The following RERE variants were observed in gnomAD, a reference collection of about 807,000 sequenced individuals.
RERE encodes arginine-glutamic acid dipeptide repeats protein.
In RERE, 40 loss-of-function variants were observed where a neutral mutation model predicts 146.1. The ratio of observed to expected loss-of-function variants is 0.27; its 90% CI spans 0.21 to 0.36. The LOEUF (loss-of-function observed/expected upper bound fraction) is 0.36. Ranked by LOEUF, RERE falls within the 10% of genes least tolerant of loss-of-function variation. The probability of loss-of-function intolerance (pLI) is 1.00; values close to 1 mark genes in which losing one functional copy is unlikely to be tolerated. For synonymous variants in RERE, 1,003 were observed against 866.0 expected (o/e 1.16, Z -2.78); for missense variants, 1,933 against 2,138.7 (o/e 0.90, Z 1.90).
At chr1:8,673,445 A>G (rs1296492392) in intron 1 of RERE, among the ~76,000 whole-genome samples, 4 of 152,174 alleles carry the variant, frequency 2.6e-5, no homozygotes, top group African/African-American at 7.2e-5. Context: ...TAATGACCCC[A>G]TATCACAGAC....
In RERE at chr1:8,431,106, A is replaced by G. The variant is rs541174045; in HGVS notation, c.1204-8299T>C. Among the ~76,000 whole-genome samples, 101 of 152,344 alleles carry G rather than the reference A, an allele frequency of 6.6e-4. 1 individual carries two copies. The South Asian group carries it at 0.019, about 28-fold the overall frequency. On this transcript the variant is annotated intron_variant, in intron 11 of 22. Transcript: ENST00000400908. ...TGGCACAAGTAAAACTTCTTCCTGC[A>G]TATACCTTAAGACGGGGGTCTCCAG...
chr1:8,667,123 A>G (rs895251547), intron 1 of RERE, among the ~76,000 whole-genome samples: 8 of 152,316 alleles, frequency 5.3e-5, no homozygotes, highest in African/African-American at 1.9e-4. Context: ...AACAACTGAG[A>G]GAACTAAGAT....
chr1:8,450,920 C>T (rs1644383236), intron 11 of RERE, among the ~76,000 whole-genome samples: 1 of 152,190 alleles, frequency 6.6e-6, no homozygotes, highest in African/African-American at 2.4e-5. Context: ...GTCTACCATT[C>T]TTGGTGCTCT....
intron 1 of RERE, among the ~76,000 whole-genome samples, chr1:8,803,641 C>A (rs1215975012): frequency 6.6e-6 from 1 of 152,038 alleles, no homozygotes. Context: ...AAGTGCAATG[C>A]AGCCTTGACC....
chr1:8,583,233 A>T (rs1177721511), intron 4 of RERE, among the ~76,000 whole-genome samples: 1 of 152,216 alleles, frequency 6.6e-6, no homozygotes, highest in Non-Finnish European at 1.5e-5. Flanking sequence ...TAATCCCCAC[A>T]CAAAAACAGA....
intron 1 of RERE, among the ~76,000 whole-genome samples, chr1:8,664,009 TAAAATG>T (rs957909022): frequency 1.1e-4 from 16 of 152,158 alleles, no homozygotes; most frequent in African/African-American, 3.9e-4. Context: ...ATCCTGCCTG[TAAAATG>T]GCCCTCATTG....
chr1:8,783,806 A>G (rs1641211289), intron 1 of RERE, among the ~76,000 whole-genome samples: 1 of 152,264 alleles, frequency 6.6e-6, no homozygotes, highest in South Asian at 2.1e-4. Context: ...ACCGGTGAAC[A>G]TCTACCTCAG....
At chr1:8,472,815 C>T (rs1171386659) in intron 10 of RERE, among the ~76,000 whole-genome samples, 1 of 151,812 alleles carries the variant, frequency 6.6e-6, no homozygotes, top group Non-Finnish European at 1.5e-5. Flanking sequence ...CAGCAGAAAG[C>T]ACTTTCAGAT....
chr1:8,359,692 G>C, intron 19 of RERE, 72 bp downstream of exon 19: 2 of 1,516,720 alleles, frequency 1.3e-6, no homozygotes, highest in South Asian at 1.2e-5. Flanking sequence ...GCAGAGCTCG[G>C]TGGCCCAGCG....
rs564508761 is a variant in RERE at position 8,389,842 on chromosome 1, G to A, written c.1285-23868C>T. ...CCATTTGTGAGGAGAAATCAGGGCAGCAATGACGACCCTGTCTCTTAAACG... is the reference window on the plus strand; with the variant it reads ...CCATTTGTGAGGAGAAATCAGGGCAACAATGACGACCCTGTCTCTTAAACG... On this transcript the variant is annotated intron_variant, in intron 12 of 22. Transcript: ENST00000400908. 2.6e-5 allele frequency among the ~76,000 whole-genome samples: 4 copies of A among 152,302 alleles called. No individual in the cohort carries two copies. In the East Asian group the frequency reaches 7.7e-4, roughly 29 times the overall value.
At chr1:8,785,087 T>C (rs1303266738) in intron 1 of RERE, among the ~76,000 whole-genome samples, 5 of 152,194 alleles carry the variant, frequency 3.3e-5, no homozygotes, top group Non-Finnish European at 7.3e-5. Context: ...TCATAACCTG[T>C]CTAGCATCTA....
intron 7 of RERE, among the ~76,000 whole-genome samples, chr1:8,524,612 C>T (rs1285153531): frequency 6.6e-6 from 1 of 152,138 alleles, no homozygotes; most frequent in East Asian, 1.9e-4. Context: ...AGGTGGCATT[C>T]AAATTTTTTC....
intron 4 of RERE, among the ~76,000 whole-genome samples, chr1:8,559,374 G>A (rs1007577371): frequency 2.7e-5 from 4 of 148,662 alleles, no homozygotes; most frequent in Non-Finnish European, 5.9e-5. Context: ...GCATTTAACT[G>A]TGCCAAATAC....
intron 4 of RERE, among the ~76,000 whole-genome samples, chr1:8,589,175 C>A (rs1489139552): frequency 6.6e-6 from 1 of 151,656 alleles, no homozygotes; most frequent in Non-Finnish European, 1.5e-5. Context: ...CGTGGTGGCT[C>A]ACACCTGTAA....
intron 4 of RERE, among the ~76,000 whole-genome samples, chr1:8,579,277 TTTAC>T (rs1646334607): frequency 6.6e-6 from 1 of 152,194 alleles, no homozygotes; most frequent in African/African-American, 2.4e-5. Context: ...CAGAAAAGCT[TTTAC>T]TGTCAAAAGA....
At chr1:8,472,479 A>G (rs1644701626) in intron 10 of RERE, among the ~76,000 whole-genome samples, 1 of 152,232 alleles carries the variant, frequency 6.6e-6, no homozygotes, top group East Asian at 1.9e-4. Flanking sequence ...AATACATTGC[A>G]ATGAAGATGG....
rs80296515 is a variant in RERE, at chr1:8,690,649, A to G, written c.-144-34208T>C. On this transcript the variant is annotated intron_variant, in intron 1 of 22. Coordinates refer to ENST00000400908, the MANE Select transcript of RERE (RefSeq NM_001042681.2). Reference sequence around the variant, plus strand: ...GAATAATAGCTAAGAAGTATTAAGTATTTACCTTTGTGGATAGTTTCCTTA... The same window carrying G: ...GAATAATAGCTAAGAAGTATTAAGTGTTTACCTTTGTGGATAGTTTCCTTA... Among the ~76,000 whole-genome samples the G allele has an allele frequency of 9.8e-3, 1,491 of 152,288 alleles. 27 individuals carry two copies. Among genetic ancestry groups the G allele is most frequent in the African/African-American group, 0.034 (1,432 of 41,556 alleles).
At chr1:8,699,445 TCAA>T (rs1014994645) in intron 1 of RERE, among the ~76,000 whole-genome samples, 3 of 152,230 alleles carry the variant, frequency 2.0e-5, no homozygotes, top group Non-Finnish European at 4.4e-5. Flanking sequence ...TGACTAAGCA[TCAA>T]CATTATTCTG....
chr1:8,687,709 G>A (rs1639121850), intron 1 of RERE, among the ~76,000 whole-genome samples: 3 of 152,064 alleles, frequency 2.0e-5, no homozygotes, highest in Admixed American at 1.3e-4. Flanking sequence ...TAATTGCTTC[G>A]TCATACATAA....
Sources: gnomAD v4.1 joint callset for allele counts (sites outside exome capture counted in the v4.1 genomes callset) on GRCh38, gnomAD v4.1.1 for gene constraint, MANE v1.5 for transcripts, NCBI Gene and HGNC (gene_info 2026-07-23, HGNC 2026-07-21) for gene names.